The following DLGAP1 variants were observed in gnomAD, a reference collection of about 807,000 sequenced individuals.
DLGAP1 encodes the protein DLG associated protein 1.
In DLGAP1, 11 loss-of-function variants were observed where a neutral mutation model predicts 90.8. That is an observed-to-expected ratio of 0.12 (90% CI 0.08 to 0.20). DLGAP1 has a LOEUF of 0.20. Among genes scored for constraint, DLGAP1 ranks in the 10% least tolerant of loss-of-function variants. The pLI, the probability that DLGAP1 is intolerant of heterozygous loss-of-function variation, is 1.00. For synonymous variants in DLGAP1, 558 were observed against 540.7 expected (o/e 1.03, Z -0.44); for missense variants, 1,050 against 1,333.8 (o/e 0.79, Z 3.31).
At chr18:4,450,490 G>C (rs548461605) in intron 1 of DLGAP1, among the ~76,000 whole-genome samples, 17 of 152,248 alleles carry the variant, frequency 1.1e-4, no homozygotes, top group African/African-American at 3.4e-4. Context: ...CCCACAAGCC[G>C]CCTGAGGGAG....
Position 3,947,596 on chromosome 18 carries a change from G to A in DLGAP1, c.-73+57520C>T, listed in dbSNP as rs570685724. ...TTAAAGGAAATGCTCAGTGACTTCT[G>A]TAAGACGTTGAAAATACTTTACATG... On this transcript the variant is annotated intron_variant, in intron 3 of 12. Coordinates refer to ENST00000315677, the MANE Select transcript of DLGAP1 (RefSeq NM_004746.4). Among the ~76,000 whole-genome samples, 7 of 152,330 alleles carry A rather than the reference G, an allele frequency of 4.6e-5. No homozygotes were observed. In the South Asian group the frequency reaches 1.4e-3, roughly 32 times the overall value.
In DLGAP1 at chr18:3,606,027, G is replaced by C. The variant is rs150758028; in HGVS notation, c.1592-23779C>G. Among the ~76,000 whole-genome samples the C allele has an allele frequency of 1.4e-3, 217 of 152,266 alleles. 4 individuals carry two copies. The East Asian group carries it at 0.039, about 27-fold the overall frequency. ...GGTCGGGACATTAAGAAAAAAAAAG[G>C]TCTCGCTGTGGTTTGCTATTAGATG... On this transcript the variant is annotated intron_variant, in intron 7 of 12. Transcript: ENST00000315677.
chr18:3,929,632 A>G (rs73376509), intron 3 of DLGAP1, among the ~76,000 whole-genome samples: 21,894 of 152,162 alleles, frequency 0.14, 1,652 homozygotes, highest in Middle Eastern at 0.19. Context: ...AGGGCTCTAT[A>G]GATTTCTCTC....
chr18:3,534,662 T>TTTCCTTCC lies in DLGAP1; in HGVS notation c.2058-55_2058-48dup, dbSNP rs539319280. On this transcript the variant is annotated intron_variant, in intron 9 of 12. Transcript: ENST00000315677. ...AATTTAGTTAGAGGATATTTCTTTC[T>TTTCCTTCC]TTCCTTCCTTCCTTCCTTCCTTCCT... is the stretch of plus-strand genomic sequence containing the variant. 1,667 of 1,407,028 alleles carry TTTCCTTCC rather than the reference T, an allele frequency of 1.2e-3. 22 individuals carry two copies. The African/African-American group carries it at 0.023, about 19-fold the overall frequency. The allele number at this position is 1,407,028 out of a possible 1,614,324, so 87.2% of individuals were successfully genotyped here. A position where few individuals can be genotyped will look rare whatever the true frequency, so the allele number is the denominator to read the frequency against.
intron 2 of DLGAP1, among the ~76,000 whole-genome samples, chr18:4,112,125 T>C (rs754566460): frequency 3.5e-4 from 53 of 152,016 alleles, no homozygotes; most frequent in Admixed American, 3.3e-4. Context: ...TTTGGTACGT[T>C]GTACTTTAAT....
intron 5 of DLGAP1, among the ~76,000 whole-genome samples, chr18:3,747,950 C>G (rs1271709669): frequency 6.6e-6 from 1 of 152,146 alleles, no homozygotes; most frequent in Non-Finnish European, 1.5e-5. Flanking sequence ...TAAATAAACA[C>G]CAAAATAGTG....
At chr18:3,564,520 T>C (rs995757495) in intron 9 of DLGAP1, among the ~76,000 whole-genome samples, 2 of 152,200 alleles carry the variant, frequency 1.3e-5, no homozygotes, top group Non-Finnish European at 2.9e-5. Flanking sequence ...GAGAAAGTGC[T>C]GGCATATTTC....
intron 9 of DLGAP1, among the ~76,000 whole-genome samples, chr18:3,541,719 C>T (rs556670166): frequency 5.9e-5 from 9 of 152,200 alleles, no homozygotes; most frequent in East Asian, 3.9e-4. Context: ...AAGTCCCTTG[C>T]GATCAAAAGA....
chr18:3,676,301 G>A (rs2060296678), intron 7 of DLGAP1, among the ~76,000 whole-genome samples: 1 of 152,216 alleles, frequency 6.6e-6, no homozygotes, highest in Non-Finnish European at 1.5e-5. Flanking sequence ...CAATCTGTGA[G>A]CATTATGTAA....
intron 2 of DLGAP1, among the ~76,000 whole-genome samples, chr18:4,061,615 ATCCATGGTGC>A (rs1407431688): frequency 6.6e-6 from 1 of 152,200 alleles, no homozygotes; most frequent in Admixed American, 6.5e-5. Flanking sequence ...TGGGTTTAAC[ATCCATGGTGC>A]TTTCATGCAA....
chr18:3,656,116 TG>T, intron 7 of DLGAP1: 1 of 1,545,952 alleles, frequency 6.5e-7, no homozygotes, highest in Non-Finnish European at 8.7e-7. Context: ...TATGACACCT[TG>T]AATAAAAACA....
At chr18:3,626,154 G>C (rs575289262) in intron 7 of DLGAP1, among the ~76,000 whole-genome samples, 5 of 152,092 alleles carry the variant, frequency 3.3e-5, no homozygotes, top group South Asian at 4.1e-4. Flanking sequence ...TTAGCCCAGC[G>C]TGGTGGCACA....
intron 7 of DLGAP1, among the ~76,000 whole-genome samples, chr18:3,651,243 C>T (rs528731041): frequency 1.1e-4 from 17 of 152,174 alleles, no homozygotes; most frequent in South Asian, 1.0e-3. Flanking sequence ...CCTGTAATCC[C>T]GGCTACTTGG....
intron 1 of DLGAP1, among the ~76,000 whole-genome samples, chr18:4,171,938 G>C (rs1216845792): frequency 6.6e-6 from 1 of 152,144 alleles, no homozygotes; most frequent in African/African-American, 2.4e-5. Flanking sequence ...TAAGCAACCA[G>C]GGCACAGAGC....
chr18:4,193,418 ACT>A (rs61546365), intron 1 of DLGAP1, among the ~76,000 whole-genome samples: 2,170 of 152,286 alleles, frequency 0.014, 41 homozygotes, highest in African/African-American at 0.048. Flanking sequence ...GCCTAGAGAA[ACT>A]CTGTGGCTGT....
At chr18:4,382,083 A>G (rs2144326588) in intron 1 of DLGAP1, among the ~76,000 whole-genome samples, 1 of 152,246 alleles carries the variant, frequency 6.6e-6, no homozygotes. Flanking sequence ...GGTCCCTCCC[A>G]CAACATGTGG....
chr18:3,923,240 A>G (rs191724853), intron 3 of DLGAP1, among the ~76,000 whole-genome samples: 3 of 151,426 alleles, frequency 2.0e-5, no homozygotes, highest in Admixed American at 2.0e-4. Flanking sequence ...CTCCAGTCTT[A>G]CCAGTCCTGG....
intron 1 of DLGAP1, among the ~76,000 whole-genome samples, chr18:4,359,373 C>G (rs536240897): frequency 6.6e-6 from 1 of 152,182 alleles, no homozygotes; most frequent in Admixed American, 6.5e-5. Flanking sequence ...ACGTCTTTAT[C>G]GCTGAAGATA....
At chr18:3,903,297 C>T (rs1015631090) in intron 3 of DLGAP1, among the ~76,000 whole-genome samples, 1 of 152,106 alleles carries the variant, frequency 6.6e-6, no homozygotes, top group Non-Finnish European at 1.5e-5. Context: ...GGAACATGAA[C>T]GTGGTAATTG....
Sources: gnomAD v4.1 joint callset for allele counts (sites outside exome capture counted in the v4.1 genomes callset) on GRCh38, gnomAD v4.1.1 for gene constraint, MANE v1.5 for transcripts, NCBI Gene and HGNC (gene_info 2026-07-23, HGNC 2026-07-21) for gene names.